The following ANO1 variants were observed in gnomAD, a reference collection of about 807,000 sequenced individuals.
The protein encoded by ANO1 is anoctamin-1.
Under a neutral mutation model 124.0 loss-of-function variants are expected in ANO1, and 59 were observed. The ratio of observed to expected loss-of-function variants is 0.48; its 90% CI spans 0.39 to 0.59. The LOEUF is 0.59. Ranked by LOEUF, ANO1 falls within the 20% of genes least tolerant of loss-of-function variation. The pLI, the probability that ANO1 is intolerant of heterozygous loss-of-function variation, is 0.00. For synonymous variants in ANO1, 529 were observed against 532.0 expected, an observed-to-expected ratio of 0.99 and a Z score of 0.08; for missense variants, 1,059 against 1,328.0, an observed-to-expected ratio of 0.80 and a Z score of 3.15.
intron 1 of ANO1, among the ~76,000 whole-genome samples, chr11:70,013,804 A>AAAAAGAAAAGAAAAGAAAAGAAAAG (rs142729507): frequency 0.099 from 12,876 of 130,322 alleles, 1,294 homozygotes; most frequent in Admixed American, 0.14. Flanking sequence ...TCCATCTAAA[A>AAAAAGAAAAGAAAAGAAAAGAAAAG]AAAAGAAAAG....
chr11:70,088,116 G>C, intron 2 of ANO1, 32 bp downstream of exon 2: 1 of 200,934 alleles, frequency 5.0e-6, no homozygotes, highest in Non-Finnish European at 9.8e-6. Flanking sequence ...GTTTGTGGGG[G>C]GTGGGGGGTG....
chr11:70,004,577 G>A (rs1366079258), intron 1 of ANO1, among the ~76,000 whole-genome samples: 3 of 152,200 alleles, frequency 2.0e-5, no homozygotes, highest in South Asian at 2.1e-4. Context: ...AGAATAAAGC[G>A]TGTCGCGACG....
chr11:69,966,226 A>G, the ANO1 span, among the ~76,000 whole-genome samples: 1 of 152,130 alleles, frequency 6.6e-6, no homozygotes, highest in Admixed American at 6.5e-5. Flanking sequence ...CCCTGGAGGG[A>G]GAGAGGATCC....
At chr11:70,145,749 C>A (rs1332634867) in intron 11 of ANO1, among the ~76,000 whole-genome samples, 1 of 151,928 alleles carries the variant, frequency 6.6e-6, no homozygotes, top group Non-Finnish European at 1.5e-5. Context: ...CCAGCCTGGC[C>A]AATACGATGA....
intron 1 of ANO1, among the ~76,000 whole-genome samples, chr11:69,988,050 T>C (rs1856083240): frequency 6.6e-6 from 1 of 152,200 alleles, no homozygotes; most frequent in South Asian, 2.1e-4. Context: ...GCCTCGGTTC[T>C]TGGGTTTGCT....
intron 21 of ANO1, among the ~76,000 whole-genome samples, chr11:70,169,708 A>C (rs2048382634): frequency 6.6e-6 from 1 of 152,054 alleles, no homozygotes. Flanking sequence ...CAGGGCTAGC[A>C]AGACAGCCCA....
intron 23 of ANO1, among the ~76,000 whole-genome samples, chr11:70,180,855 C>T (rs965387630): frequency 2.0e-5 from 3 of 152,100 alleles, no homozygotes; most frequent in Non-Finnish European, 4.4e-5. Flanking sequence ...TGAAATGGGG[C>T]GAGAAGGGAG....
chr11:70,184,897 C>T (rs1003051646), intron 24 of ANO1, among the ~76,000 whole-genome samples: 1 of 152,156 alleles, frequency 6.6e-6, no homozygotes, highest in East Asian at 1.9e-4. Flanking sequence ...CAGGCGTGCA[C>T]TGCCAGGCCC....
intron 1 of ANO1, among the ~76,000 whole-genome samples, chr11:70,020,672 G>A (rs1856787134): frequency 6.6e-6 from 1 of 152,180 alleles, no homozygotes; most frequent in Non-Finnish European, 1.5e-5. Context: ...CAATCCCACA[G>A]AGTCCATCTC....
At position 69,994,301 on chromosome 11, in the gene ANO1, T is replaced by C. The variant is rs555623131; in HGVS notation, c.58+8135T>C. 3.8e-3 allele frequency among the ~76,000 whole-genome samples: 583 copies of C among 152,284 alleles called. 1 individual carries two copies. The highest frequency in any genetic ancestry group is 0.013 in the African/African-American group (558 of 41,542). On this transcript the variant is annotated intron_variant, in intron 1 of 27. Transcript: ENST00000531349. ...AGCATAAATATTTCATTTTGGATGC[T>C]GATCTATTATTGAAAGGTGTGAATT...
rs974197531 is a variant in ANO1, at chr11:70,161,733, G to A, written c.1892G>A (p.Arg631Gln). 4 of 1,613,488 alleles carry A rather than the reference G, an allele frequency of 2.5e-6. No homozygotes were observed. Among genetic ancestry groups the A allele is most frequent in the Admixed American group, 1.7e-5 (1 of 60,026 alleles). Residue 631 changes from arginine (R) to glutamine (Q), a missense_variant and splice_region_variant, in exon 18 of 26, where the codon CGG becomes CAG. Coordinates refer to ENST00000355303, the MANE Select transcript of ANO1 (RefSeq NM_018043.7). ...PIFYVAFFKG[R>Q]FVGRPGDYVY... is the part of the protein sequence containing the mutation. ...TTTTACGTGGCGTTCTTCAAAGGCC[G>A]GTAGGGACATCTTCAGCCTTTCCCC...
intron 1 of ANO1, among the ~76,000 whole-genome samples, chr11:70,003,601 G>A (rs71467469): frequency 0.4 from 35,313 of 87,346 alleles, 4,674 homozygotes; most frequent in Admixed American, 0.45. Flanking sequence ...ATGGGTGGAT[G>A]GATGGATGGA....
chr11:70,162,596 G>A (rs2048097043), intron 18 of ANO1, among the ~76,000 whole-genome samples: 1 of 148,454 alleles, frequency 6.7e-6, no homozygotes. Flanking sequence ...CACCCACAAT[G>A]ATGCCCCCCA....
chr11:69,974,461 G>T, the ANO1 span, among the ~76,000 whole-genome samples: 1 of 152,076 alleles, frequency 6.6e-6, no homozygotes, highest in Non-Finnish European at 1.5e-5. Flanking sequence ...ATGAACGACC[G>T]CTTTACAGAT....
intron 1 of ANO1, among the ~76,000 whole-genome samples, chr11:69,997,753 T>G (rs1160174594): frequency 2.0e-5 from 3 of 151,918 alleles, no homozygotes; most frequent in African/African-American, 4.8e-5. Flanking sequence ...ACGAACCAGT[T>G]TTCATCGGGT....
chr11:70,116,728 T>G, intron 8 of ANO1: 1 of 538,976 alleles, frequency 1.9e-6, no homozygotes, highest in East Asian at 3.2e-5. Flanking sequence ...AAAATGCCCT[T>G]GGCAGGTGAC....
rs537834336 is a variant in ANO1 at position 70,175,070 on chromosome 11, G to A, written c.2350+4031G>A. ...TGTTTGCTCTGGCACCCTCTGCTTC[G>A]AGAAGCTCTGGCTGTCCCCAGACAG... is the stretch of plus-strand genomic sequence containing the variant. On this transcript the variant is annotated intron_variant, in intron 22 of 25. Coordinates refer to ENST00000355303, the MANE Select transcript of ANO1 (RefSeq NM_018043.7). Among the ~76,000 whole-genome samples the A allele has an allele frequency of 4.0e-5, 6 of 150,684 alleles. No homozygotes were observed. The South Asian group carries it at 1.0e-3, about 26-fold the overall frequency.
At chr11:70,062,281 T>G (rs1282851120) in intron 1 of ANO1, among the ~76,000 whole-genome samples, 1 of 152,116 alleles carries the variant, frequency 6.6e-6, no homozygotes, top group African/African-American at 2.4e-5. Flanking sequence ...TTCGCTATGT[T>G]GGCCAGGCTG....
chr11:70,178,783 C>G (rs2048826188), intron 22 of ANO1, among the ~76,000 whole-genome samples: 1 of 152,224 alleles, frequency 6.6e-6, no homozygotes, highest in Admixed American at 6.5e-5. Flanking sequence ...AGGCTGCTCT[C>G]GAACTCCTGG....
Sources: gnomAD v4.1 joint callset for allele counts (sites outside exome capture counted in the v4.1 genomes callset) on GRCh38, gnomAD v4.1.1 for gene constraint, MANE v1.5 for transcripts, NCBI Gene and HGNC (gene_info 2026-07-23, HGNC 2026-07-21) for gene names.